The following STS variants were observed in gnomAD, a reference collection of about 807,000 sequenced individuals.
The protein encoded by STS is steroid sulfatase, also known as steryl-sulfatase.
Under a neutral mutation model 26.8 loss-of-function variants are expected in STS, and 7 were observed. The observed-to-expected ratio is 0.26, with a 90% confidence interval of 0.15 to 0.49. The LOEUF (loss-of-function observed/expected upper bound fraction) is 0.49, where lower values mean the gene tolerates loss of function less well. STS is among the 20% of genes least tolerant of loss of function. The pLI is 0.98. For missense variants in STS, 434 were observed against 465.6 expected (o/e 0.93, Z 0.63); for synonymous variants, 199 against 189.4 (o/e 1.05, Z -0.42).
At position 7,304,301 on chromosome X, in the gene STS, TC is replaced by T. The variant is rs761778403; in HGVS notation, c.944-744del. Among the ~76,000 whole-genome samples, 26 of 112,031 alleles carry T rather than the reference TC, an allele frequency of 2.3e-4. No individual in the cohort carries two copies. The South Asian group carries it at 9.3e-3, about 40-fold the overall frequency. On this transcript the variant is annotated intron_variant, in intron 7 of 10. Coordinates refer to ENST00000674429, the MANE Select transcript of STS (RefSeq NM_001320752.2). ...TAAACAAGATAATATGTAATAAAAT[TC>T]TCTACATGTAGACAGTGCTCAACAG...
chrX:7,155,158 T>C (rs1262598137), intron 1 of STS, among the ~76,000 whole-genome samples: 2 of 112,134 alleles, frequency 1.8e-5, no homozygotes, highest in African/African-American at 6.5e-5. Context: ...TGGTCAACGA[T>C]GGTCTTCCCA....
chrX:7,233,452 C>T (rs1388798652), intron 2 of STS, among the ~76,000 whole-genome samples: 1 of 111,487 alleles, frequency 9.0e-6, no homozygotes, highest in African/African-American at 3.3e-5. Flanking sequence ...CATTAGTGGG[C>T]TTGCTGGATC....
At chrX:7,310,821 A>G (rs1480916475) in intron 8 of STS, among the ~76,000 whole-genome samples, 1 of 111,046 alleles carries the variant, frequency 9.0e-6, no homozygotes, top group Non-Finnish European at 1.9e-5. Flanking sequence ...CCACATACAG[A>G]GCCGGGACCC....
chrX:7,226,173 A>G (rs1438937451), intron 2 of STS, among the ~76,000 whole-genome samples: 1 of 112,176 alleles, frequency 8.9e-6, no homozygotes, highest in Admixed American at 9.5e-5. Flanking sequence ...AGCCAGAGAC[A>G]AACACTTTTC....
chrX:7,297,834 G>A (rs1221441782), intron 7 of STS, among the ~76,000 whole-genome samples: 1 of 111,638 alleles, frequency 9.0e-6, no homozygotes, highest in African/African-American at 3.3e-5. Flanking sequence ...GTCATTAGGG[G>A]AGATAGGAGC....
At chrX:7,292,992 GC>G (rs1470030265) in intron 7 of STS, among the ~76,000 whole-genome samples, 2 of 111,318 alleles carry the variant, frequency 1.8e-5, no homozygotes, top group African/African-American at 6.5e-5. Context: ...AATGCCAGTT[GC>G]CTGATATTTG....
intron 2 of STS, among the ~76,000 whole-genome samples, chrX:7,205,273 AGAAT>A (rs1934187168): frequency 8.9e-6 from 1 of 112,542 alleles, no homozygotes; most frequent in South Asian, 3.7e-4. Context: ...AGGAAGAGAA[AGAAT>A]GGGAATGTAA....
chrX:7,206,516 A>G (rs1286609057), intron 2 of STS, among the ~76,000 whole-genome samples: 4 of 112,116 alleles, frequency 3.6e-5, no homozygotes, highest in Non-Finnish European at 7.5e-5. Context: ...TCCATATATG[A>G]CCAGCCATAT....
At chrX:7,214,919 A>ATATG (rs1555950639) in intron 2 of STS, among the ~76,000 whole-genome samples, 10 of 98,526 alleles carry the variant, frequency 1.0e-4, no homozygotes, top group African/African-American at 3.7e-4. Flanking sequence ...ATATATATAT[A>ATATG]TGTGTGTGTG....
chrX:7,246,262 CTTT>C (rs373058144), intron 2 of STS, among the ~76,000 whole-genome samples: 1 of 95,759 alleles, frequency 1.0e-5, no homozygotes. Context: ...TTGGGAGAGA[CTTT>C]TTTTTTTTTT....
rs760368070 is a variant in STS at position 7,257,258 on chromosome X, C to T, written c.154C>T (p.Arg52Trp). 98 of 1,209,783 alleles carry T rather than the reference C, an allele frequency of 8.1e-5. No individual in the cohort carries two copies. In the Admixed American group the frequency reaches 2.0e-3, roughly 24 times the overall value. The stretch of plus-strand genomic sequence containing the variant: ...TTGTTCTAGGACTCCCAATATCGAC[C>T]GGTTGGCCAGTGGGGGAGTGAAACT... Reference protein sequence around the residue: ...NKTIRTPNIDRLASGGVKLTQ... With the variant: ...NKTIRTPNIDWLASGGVKLTQ... The change falls in exon 4 of 11, where the codon CGG becomes TGG. Residue 52 changes from arginine to tryptophan, a missense_variant. Physicochemically the swap from Arg to Trp is moderately radical, Grantham distance 101. Around this residue, in one of 2 missense-constraint regions of STS, gnomAD observed 229 missense variants for 288.3 expected, o/e 0.79. Coordinates refer to ENST00000674429, the MANE Select transcript of STS (RefSeq NM_001320752.2).
At chrX:7,346,859 G>C (rs1003248220) in intron 10 of STS, among the ~76,000 whole-genome samples, 14 of 111,197 alleles carry the variant, frequency 1.3e-4, no homozygotes, top group East Asian at 2.8e-4. Context: ...CTTGAGCCCA[G>C]GAGTTCGAGA....
chrX:7,276,188 GAC>G, intron 7 of STS, 101 bp downstream of exon 7: 1 of 1,055,052 alleles, frequency 9.5e-7, no homozygotes, highest in Non-Finnish European at 1.3e-6. Flanking sequence ...TGCCTTTAGA[GAC>G]AGCAAATGTA....
At chrX:7,334,440 C>T (rs1927916165) in intron 10 of STS, among the ~76,000 whole-genome samples, 1 of 111,770 alleles carries the variant, frequency 8.9e-6, no homozygotes, top group South Asian at 3.8e-4. Flanking sequence ...CCCAGCTTCA[C>T]TTCCTAGCAC....
chrX:7,219,101 T>C, intron 2 of STS, among the ~76,000 whole-genome samples: 1 of 111,958 alleles, frequency 8.9e-6, no homozygotes, highest in South Asian at 3.7e-4. Context: ...CTTACTCTTA[T>C]AAGAATAGCT....
chrX:7,201,938 T>C (rs1209959879), intron 2 of STS, among the ~76,000 whole-genome samples: 3 of 111,020 alleles, frequency 2.7e-5, no homozygotes, highest in Non-Finnish European at 5.7e-5. Context: ...TGGTTAATTT[T>C]AGGTGTCAGC....
intron 2 of STS, among the ~76,000 whole-genome samples, chrX:7,208,259 G>T (rs1231720132): frequency 2.7e-5 from 3 of 111,793 alleles, no homozygotes; most frequent in Non-Finnish European, 5.6e-5. Context: ...TTAAAGAAAA[G>T]AGATATGCTT....
chrX:7,252,693 T>C (rs1434680092), intron 2 of STS, among the ~76,000 whole-genome samples: 3 of 112,083 alleles, frequency 2.7e-5, no homozygotes, highest in African/African-American at 9.7e-5. Context: ...CACCTGTTAT[T>C]CTTACAAGGA....
Position 7,338,659 on chromosome X carries a change from T to A in STS, c.1363+4552T>A, listed in dbSNP as rs138562478. Among the ~76,000 whole-genome samples, 512 of 111,605 alleles carry A rather than the reference T, an allele frequency of 4.6e-3. 1 individual carries two copies. The highest frequency in any genetic ancestry group is 6.9e-3 in the Non-Finnish European group (366 of 53,018). ...TCCTGGCTCCATATTCTATTCAAGT[T>A]TGTTGGAAACTTTTTCCCAACAACA... On this transcript the variant is annotated intron_variant, in intron 10 of 10. Transcript: ENST00000674429.
Sources: gnomAD v4.1 joint callset for allele counts (sites outside exome capture counted in the v4.1 genomes callset) on GRCh38, gnomAD v4.1.1 for gene constraint, gnomAD v4.1.1 regional missense constraint, MANE v1.5 for transcripts, NCBI Gene and HGNC (gene_info 2026-07-23, HGNC 2026-07-21) for gene names.